Variants in SPATA22 observed in about 807,000 individuals in gnomAD.
SPATA22 encodes the protein spermatogenesis associated 22.
SPATA22 carries 29 observed loss-of-function variants against 47.8 expected under a neutral mutation model. That is an observed-to-expected ratio of 0.61 (90% CI 0.45 to 0.83). The LOEUF is 0.83. Ranked by LOEUF, SPATA22 falls within the 40% of genes least tolerant of loss-of-function variation. SPATA22 has a pLI of 0.00. For synonymous variants in SPATA22, 133 were observed against 140.9 expected (o/e 0.94, Z 0.40); for missense variants, 410 against 421.7 (o/e 0.97, Z 0.24).
chr17:3,485,941 T>C lies in SPATA22; in HGVS notation c.-73-16543A>G, dbSNP rs957419469. ...TGCATTCTAGGAGGGAACCTTTTTT[T>C]TTTTTTTTGAGACGGAGTTTCGCTC... On this transcript the variant is annotated intron_variant, in intron 1 of 8. Transcript: ENST00000541913. This position sits in a 1 kb window ranked among gnomAD's most constrained non-coding sequence, Gnocchi z 4.4. 2.0e-5 allele frequency among the ~76,000 whole-genome samples: 3 copies of C among 151,690 alleles called. No homozygotes were observed. Among genetic ancestry groups the C allele is most frequent in the Non-Finnish European group, 4.4e-5 (3 of 67,914 alleles).
rs2073705995 is a variant in SPATA22 at position 3,485,695 on chromosome 17, T to C, written c.-73-16297A>G. ...CTGACCCTCTCCTTATCAAGACCTG[T>C]CAAAGATCTGAGAAATTTTACCCGA... On this transcript the variant is annotated intron_variant, in intron 1 of 8. Coordinates refer to the SPATA22 transcript ENST00000541913. The surrounding 1 kb of genome is among the most constrained non-coding windows in gnomAD (Gnocchi z 4.4). Among the ~76,000 whole-genome samples, 2 of 152,192 alleles carry C rather than the reference T, an allele frequency of 1.3e-5. No homozygotes were observed. The highest frequency in any genetic ancestry group is 1.3e-4 in the Admixed American group (2 of 15,270).
chr17:3,482,064 A>G (rs2073641162), intron 1 of SPATA22, among the ~76,000 whole-genome samples: 1 of 152,254 alleles, frequency 6.6e-6, no homozygotes, highest in Non-Finnish European at 1.5e-5. Flanking sequence ...TTGTGTCTAT[A>G]AAATTACACG....
At chr17:3,486,693 G>T (rs573831738) in intron 1 of SPATA22, among the ~76,000 whole-genome samples, 221 of 152,238 alleles carry the variant, frequency 1.5e-3, no homozygotes, top group Admixed American at 4.6e-3. Context: ...TTAAATCTCA[G>T]ATGGTTTAGC....
At chr17:3,447,027 T>C (rs2072741625) in intron 6 of SPATA22, among the ~76,000 whole-genome samples, 1 of 152,120 alleles carries the variant, frequency 6.6e-6, no homozygotes, top group Admixed American at 6.6e-5. Flanking sequence ...AACATAGCTA[T>C]TTAGGAAAAA....
chr17:3,462,808 A>G (rs1475622315), intron 3 of SPATA22, 41 bp from the exon 4 acceptor site: 3 of 1,444,052 alleles, frequency 2.1e-6, no homozygotes, highest in Non-Finnish European at 2.9e-6. Context: ...TAAGATAGGT[A>G]GTATTTTTCA....
rs180994891 is a variant in SPATA22, at chr17:3,497,338, G to A, written c.-74+16074C>T. 7.9e-5 allele frequency among the ~76,000 whole-genome samples: 12 copies of A among 152,220 alleles called. No individual in the cohort carries two copies. The East Asian group carries it at 2.3e-3, about 29-fold the overall frequency. On this transcript the variant is annotated intron_variant, in intron 1 of 8. Transcript: ENST00000541913. ...GCCGAGCCACCCTGTAAATCATCTG[G>A]GGCCTAAATACAATAAACACAGAAA...
chr17:3,465,051 C>T lies in SPATA22; in HGVS notation c.173-2284G>A, dbSNP rs1270932119. Among the ~76,000 whole-genome samples the T allele has an allele frequency of 6.4e-5, 8 of 125,868 alleles. 1 individual carries two copies. Among genetic ancestry groups the T allele is most frequent in the African/African-American group, 2.3e-4 (8 of 34,604 alleles). The allele number at this position is 125,868 out of a possible 152,430, so 82.6% of individuals were successfully genotyped here. On this transcript the variant is annotated intron_variant, in intron 3 of 8. Transcript: ENST00000572969. The stretch of plus-strand genomic sequence containing the variant: ...CAGCCCCCAGCCCGGCCAGCCGCCC[C>T]GTCCGGGAGGGAGGTGGGGGGTCAG...
intron 1 of SPATA22, among the ~76,000 whole-genome samples, chr17:3,495,691 C>A (rs1441402672): frequency 6.6e-6 from 1 of 152,198 alleles, no homozygotes; most frequent in Non-Finnish European, 1.5e-5. Flanking sequence ...GCCTCAGCCT[C>A]CCGAGTAGCT....
chr17:3,494,782 C>A (rs557694816), intron 1 of SPATA22, among the ~76,000 whole-genome samples: 13 of 152,312 alleles, frequency 8.5e-5, no homozygotes, highest in Admixed American at 3.3e-4. Context: ...GAGGAGTGGT[C>A]AGACAAGGCC....
intron 1 of SPATA22, among the ~76,000 whole-genome samples, chr17:3,477,203 A>G (rs1388436487): frequency 1.3e-5 from 2 of 152,174 alleles, no homozygotes; most frequent in Non-Finnish European, 2.9e-5. Context: ...CCTCCCTGTG[A>G]TCCGAAGTAG....
intron 1 of SPATA22, chr17:3,499,263 CAT>C (rs1223709514): frequency 5.4e-6 from 3 of 550,630 alleles, no homozygotes; most frequent in Non-Finnish European, 9.3e-6. Flanking sequence ...TTAAAGATAT[CAT>C]ATTTTATGTA....
chr17:3,458,168 T>C (rs1290403706), intron 5 of SPATA22, among the ~76,000 whole-genome samples: 2 of 152,076 alleles, frequency 1.3e-5, no homozygotes, highest in African/African-American at 4.8e-5. Flanking sequence ...AGAACCTAAA[T>C]AGACATTTTT....
intron 7 of SPATA22, among the ~76,000 whole-genome samples, chr17:3,443,707 A>G (rs1221188857): frequency 6.6e-6 from 1 of 152,010 alleles, no homozygotes; most frequent in Non-Finnish European, 1.5e-5. Flanking sequence ...ACTTACTAAT[A>G]TTTTGTGACT....
intron 3 of SPATA22, among the ~76,000 whole-genome samples, chr17:3,464,444 G>A (rs1057126620): frequency 3.7e-5 from 5 of 134,524 alleles, no homozygotes; most frequent in Non-Finnish European, 6.4e-5. Flanking sequence ...GCCGCCCATC[G>A]TCTGGGATGT....
chr17:3,471,276 T>C (rs2073428575), intron 1 of SPATA22, among the ~76,000 whole-genome samples: 1 of 152,158 alleles, frequency 6.6e-6, no homozygotes, highest in Non-Finnish European at 1.5e-5. Flanking sequence ...TGCCACTTTC[T>C]CCACCGGCGC....
chr17:3,495,546 G>GTTTGTTTTTGTT (rs149605858), intron 1 of SPATA22, among the ~76,000 whole-genome samples: 3 of 151,044 alleles, frequency 2.0e-5, no homozygotes, highest in Admixed American at 6.6e-5. Flanking sequence ...CTTAGGCAGT[G>GTTTGTTTTTGTT]TTTGTTTTTG....
intron 6 of SPATA22, among the ~76,000 whole-genome samples, chr17:3,447,740 A>G (rs74321048): frequency 0.055 from 8,449 of 152,236 alleles, 456 homozygotes; most frequent in African/African-American, 0.14. Context: ...AGCTATACTC[A>G]TGAAGGGGCT....
At chr17:3,466,379 C>A (rs756504915) in intron 3 of SPATA22, among the ~76,000 whole-genome samples, 2 of 151,978 alleles carry the variant, frequency 1.3e-5, no homozygotes, top group Non-Finnish European at 2.9e-5. Context: ...TAAGACCTCC[C>A]AGCACCCACC....
chr17:3,448,257 A>C (rs552743819), intron 6 of SPATA22, among the ~76,000 whole-genome samples: 3 of 152,340 alleles, frequency 2.0e-5, no homozygotes, highest in South Asian at 4.1e-4. Flanking sequence ...CATAAAGAAA[A>C]CTATGGCCTG....
Sources: gnomAD v4.1 joint callset for allele counts (sites outside exome capture counted in the v4.1 genomes callset) on GRCh38, gnomAD v4.1.1 for gene constraint, Gnocchi (gnomAD v3.1) non-coding constraint, MANE v1.5 for transcripts, NCBI Gene and HGNC (gene_info 2026-07-23, HGNC 2026-07-21) for gene names.